The following GALNTL6 variants were observed in gnomAD, a reference collection of about 807,000 sequenced individuals.
GALNTL6 encodes polypeptide N-acetylgalactosaminyltransferase like 6.
A neutral mutation model predicts 73.7 loss-of-function variants in GALNTL6; 46 were observed. That is an observed-to-expected ratio of 0.62 (90% CI 0.49 to 0.80). The LOEUF (loss-of-function observed/expected upper bound fraction) is 0.80, where lower values mean the gene tolerates loss of function less well. Among genes scored for constraint, GALNTL6 ranks in the 30% least tolerant of loss-of-function variants. The probability of loss-of-function intolerance (pLI) is 0.00; values close to 1 mark genes in which losing one functional copy is unlikely to be tolerated. For synonymous variants in GALNTL6, 259 were observed against 263.7 expected, an observed-to-expected ratio of 0.98 and a Z score of 0.17; for missense variants, 604 against 755.0, an observed-to-expected ratio of 0.80 and a Z score of 2.34.
intron 5 of GALNTL6, among the ~76,000 whole-genome samples, chr4:172,436,519 CTAAG>C (rs113498230): frequency 6.6e-6 from 1 of 152,166 alleles, no homozygotes; most frequent in African/African-American, 2.4e-5. Context: ...AACAGAACTT[CTAAG>C]TAAGTTTTCA....
In GALNTL6 at chr4:172,739,428, G is replaced by A. The variant is rs567145377; in HGVS notation, c.554-69933G>A. ...GTGTAGGAAGATAGGGAGAAAAGCTGATACCGAGTAGTAATTGTTACCACT... is the reference window on the plus strand; with the variant it reads ...GTGTAGGAAGATAGGGAGAAAAGCTAATACCGAGTAGTAATTGTTACCACT... On this transcript the variant is annotated intron_variant, in intron 5 of 12. Coordinates refer to ENST00000506823, the MANE Select transcript of GALNTL6 (RefSeq NM_001034845.3). Among the ~76,000 whole-genome samples the A allele has an allele frequency of 2.6e-4, 39 of 152,274 alleles. 1 individual carries two copies. In the South Asian group the frequency reaches 5.4e-3, roughly 21 times the overall value.
At chr4:172,966,225 G>C (rs1750319048) in intron 10 of GALNTL6, among the ~76,000 whole-genome samples, 1 of 152,146 alleles carries the variant, frequency 6.6e-6, no homozygotes, top group African/African-American at 2.4e-5. Flanking sequence ...ATAGTGACCT[G>C]CTGGCTTCTG....
At chr4:172,189,790 A>G (rs572099857) in intron 2 of GALNTL6, among the ~76,000 whole-genome samples, 1 of 152,184 alleles carries the variant, frequency 6.6e-6, no homozygotes, top group Admixed American at 6.5e-5. Context: ...CTGTTTCCTA[A>G]TTTGAAATTC....
chr4:171,931,990 T>C (rs1738198810), intron 2 of GALNTL6, among the ~76,000 whole-genome samples: 1 of 152,208 alleles, frequency 6.6e-6, no homozygotes, highest in Non-Finnish European at 1.5e-5. Context: ...TGGAAAGTAA[T>C]AACTGATAGA....
intron 4 of GALNTL6, among the ~76,000 whole-genome samples, chr4:172,330,496 A>G (rs1003097782): frequency 3.9e-5 from 6 of 152,146 alleles, no homozygotes; most frequent in African/African-American, 1.4e-4. Context: ...ATGAATCCCA[A>G]TGTGTGTACC....
At chr4:172,932,324 A>G (rs1171898219) in intron 9 of GALNTL6, among the ~76,000 whole-genome samples, 2 of 152,210 alleles carry the variant, frequency 1.3e-5, no homozygotes, top group Non-Finnish European at 2.9e-5. Context: ...AGGAAAGCTA[A>G]GAGAGGAAAA....
chr4:173,017,498 A>G (rs749586540), intron 11 of GALNTL6, among the ~76,000 whole-genome samples: 1 of 152,242 alleles, frequency 6.6e-6, no homozygotes, highest in African/African-American at 2.4e-5. Flanking sequence ...AAATGTGCCA[A>G]TGAAAAGACT....
chr4:172,396,968 G>A (rs1170431180), intron 5 of GALNTL6, among the ~76,000 whole-genome samples: 1 of 152,036 alleles, frequency 6.6e-6, no homozygotes, highest in African/African-American at 2.4e-5. Flanking sequence ...AATTTATATT[G>A]TTAATGCAGA....
chr4:172,836,136 A>G (rs896134179), intron 7 of GALNTL6, among the ~76,000 whole-genome samples: 2 of 152,160 alleles, frequency 1.3e-5, no homozygotes, highest in African/African-American at 4.8e-5. Flanking sequence ...TCCAGTCCCA[A>G]TCAGGTAGAC....
intron 5 of GALNTL6, among the ~76,000 whole-genome samples, chr4:172,412,575 T>G (rs573055969): frequency 6.6e-6 from 1 of 152,310 alleles, no homozygotes; most frequent in East Asian, 1.9e-4. Context: ...GATAGGTTTT[T>G]TAGAGTTTAG....
In GALNTL6 at chr4:172,069,358, A is replaced by G. The variant is rs1466422319; in HGVS notation, c.139-160298A>G. On this transcript the variant is annotated intron_variant, in intron 2 of 12. Transcript: ENST00000506823. ...TAAAATTAACAAATCAATTATAAAT[A>G]TATGTAGTGTGTATATATATGTGTG... 4.9e-5 allele frequency among the ~76,000 whole-genome samples: 5 copies of G among 102,624 alleles called. 2 individuals are homozygous for G. The highest frequency in any genetic ancestry group is 1.1e-4 in the African/African-American group (3 of 27,250). The allele number at this position is 102,624 out of a possible 152,430, so 67.3% of individuals were successfully genotyped here.
intron 5 of GALNTL6, among the ~76,000 whole-genome samples, chr4:172,382,967 A>G (rs1263739811): frequency 6.6e-6 from 1 of 152,130 alleles, no homozygotes; most frequent in Admixed American, 6.5e-5. Flanking sequence ...TGTAAGCTAT[A>G]TTTCTGGATG....
intron 2 of GALNTL6, among the ~76,000 whole-genome samples, chr4:171,911,984 G>A (rs1185953411): frequency 6.6e-6 from 1 of 151,900 alleles, no homozygotes; most frequent in Non-Finnish European, 1.5e-5. Context: ...TCTAATAATA[G>A]GTTCTTGATA....
chr4:172,900,598 AG>A (rs1316425095), intron 8 of GALNTL6, among the ~76,000 whole-genome samples: 1 of 152,230 alleles, frequency 6.6e-6, no homozygotes, highest in Non-Finnish European at 1.5e-5. Flanking sequence ...CTGGAAGAAC[AG>A]AATATTACAT....
chr4:172,414,329 A>C (rs1007417137), intron 5 of GALNTL6, among the ~76,000 whole-genome samples: 1 of 152,164 alleles, frequency 6.6e-6, no homozygotes, highest in African/African-American at 2.4e-5. Context: ...ATGTATAATT[A>C]TATTTTCCAA....
intron 7 of GALNTL6, among the ~76,000 whole-genome samples, chr4:172,852,949 C>G (rs987472125): frequency 2.0e-5 from 3 of 152,126 alleles, no homozygotes; most frequent in Admixed American, 2.0e-4. Flanking sequence ...AAAATTAACA[C>G]TTATTGAACA....
intron 7 of GALNTL6, among the ~76,000 whole-genome samples, chr4:172,880,305 A>G (rs1336789239): frequency 6.6e-6 from 1 of 152,124 alleles, no homozygotes; most frequent in Non-Finnish European, 1.5e-5. Context: ...TCATGCAAAT[A>G]GAATACTACT....
intron 2 of GALNTL6, among the ~76,000 whole-genome samples, chr4:172,199,809 G>A (rs1735898149): frequency 6.6e-6 from 1 of 151,946 alleles, no homozygotes; most frequent in Non-Finnish European, 1.5e-5. Flanking sequence ...AAGTCCTAAG[G>A]CATTCAAAAG....
At chr4:171,885,762 A>G (rs1011077734) in intron 2 of GALNTL6, among the ~76,000 whole-genome samples, 1 of 152,164 alleles carries the variant, frequency 6.6e-6, no homozygotes, top group African/African-American at 2.4e-5. Flanking sequence ...GCATGATTGC[A>G]CCACTACACT....
Sources: allele counts gnomAD v4.1 joint callset (sites outside exome capture counted in the v4.1 genomes callset), GRCh38; gene constraint gnomAD v4.1.1; transcripts MANE v1.5; gene names NCBI Gene and HGNC (gene_info 2026-07-23, HGNC 2026-07-21).